RBKS: variants seen among roughly 807,000 people sequenced by gnomAD.
RBKS encodes ribokinase.
In RBKS, 33 loss-of-function variants were observed where a neutral mutation model predicts 33.9. That is an observed-to-expected ratio of 0.97 (90% CI 0.74 to 1.30). The LOEUF is 1.30. Among genes scored for constraint, RBKS ranks in the 50% most tolerant of loss-of-function variants. The probability of loss-of-function intolerance (pLI) is 0.00; values close to 1 mark genes in which losing one functional copy is unlikely to be tolerated. For missense variants in RBKS, 361 were observed against 392.6 expected (o/e 0.92, Z 0.68); for synonymous variants, 125 against 143.0 (o/e 0.87, Z 0.90).
chr2:27,815,208 T>TGG (rs1678063990), intron 7 of RBKS, among the ~76,000 whole-genome samples: 1 of 152,018 alleles, frequency 6.6e-6, no homozygotes, highest in Non-Finnish European at 1.5e-5. Flanking sequence ...TAGGTGGTTT[T>TGG]TTTTCCCCCC....
intron 7 of RBKS, among the ~76,000 whole-genome samples, chr2:27,806,068 G>C (rs1677890992): frequency 6.6e-6 from 1 of 151,806 alleles, no homozygotes; most frequent in African/African-American, 2.4e-5. Context: ...TTTTTTTGTA[G>C]AGTCAGGGTT....
intron 1 of RBKS, among the ~76,000 whole-genome samples, chr2:27,871,262 A>AAAACAAAC (rs540716644): frequency 6.6e-6 from 1 of 152,168 alleles, no homozygotes; most frequent in African/African-American, 2.4e-5. Flanking sequence ...CGTGTTCACT[A>AAAACAAAC]AAACAAACAA....
chr2:27,845,003 C>T (rs1488059343), intron 4 of RBKS, among the ~76,000 whole-genome samples: 1 of 152,160 alleles, frequency 6.6e-6, no homozygotes, highest in African/African-American at 2.4e-5. Context: ...TGTTTGTTGG[C>T]CACGAGGAAG....
chr2:27,794,676 T>G (rs1295540822), intron 7 of RBKS, among the ~76,000 whole-genome samples: 6 of 149,174 alleles, frequency 4.0e-5, no homozygotes, highest in African/African-American at 1.5e-4. Context: ...CAGGCTGGAG[T>G]GCAATAGCAC....
At chr2:27,789,921 GTGTGTA>G (rs1558532954) in intron 7 of RBKS, among the ~76,000 whole-genome samples, 31 of 127,290 alleles carry the variant, frequency 2.4e-4, no homozygotes, top group Middle Eastern at 4.4e-3. Context: ...GTGTGTTTGT[GTGTGTA>G]TATATATATA....
At chr2:27,797,659 G>T (rs376013518) in intron 7 of RBKS, among the ~76,000 whole-genome samples, 1 of 152,156 alleles carries the variant, frequency 6.6e-6, no homozygotes, top group African/African-American at 2.4e-5. Context: ...CACTGCATGG[G>T]GGGTCCATTT....
At chr2:27,865,180 C>G (rs957659699) in intron 1 of RBKS, among the ~76,000 whole-genome samples, 1 of 152,116 alleles carries the variant, frequency 6.6e-6, no homozygotes, top group South Asian at 2.1e-4. Flanking sequence ...ATTAGCCAGG[C>G]GTGGTGGCAG....
chr2:27,794,769 G>A lies in RBKS; in HGVS notation c.796-12981C>T, dbSNP rs571420429. Reference sequence around the variant, plus strand: ...CTCCCAAGTAGCTGGGATTACAAGCGTGTGTCACCACGCCCGGCTAATTTT... The same window carrying A: ...CTCCCAAGTAGCTGGGATTACAAGCATGTGTCACCACGCCCGGCTAATTTT... On this transcript the variant is annotated intron_variant, in intron 7 of 7. Transcript: ENST00000302188. Among the ~76,000 whole-genome samples, 6 of 152,032 alleles carry A rather than the reference G, an allele frequency of 3.9e-5. No homozygotes were observed. The East Asian group carries it at 1.2e-3, about 29-fold the overall frequency.
At chr2:27,843,431 T>C (rs182778500) in intron 4 of RBKS, among the ~76,000 whole-genome samples, 200 bp from the exon 5 acceptor site, 80 of 152,344 alleles carry the variant, frequency 5.3e-4, no homozygotes, top group African/African-American at 1.8e-3. Context: ...AAGATGCACA[T>C]TATTCTGATC....
intron 1 of RBKS, among the ~76,000 whole-genome samples, chr2:27,879,187 G>C (rs1218306403): frequency 1.3e-5 from 2 of 152,106 alleles, no homozygotes; most frequent in Non-Finnish European, 2.9e-5. Flanking sequence ...ATCTCTTCTA[G>C]GAAGTTTTCC....
intron 7 of RBKS, among the ~76,000 whole-genome samples, chr2:27,790,113 A>T (rs958235705): frequency 8.6e-5 from 13 of 151,550 alleles, no homozygotes; most frequent in Non-Finnish European, 1.6e-4. Flanking sequence ...TACAAGTGTG[A>T]TTACAGGGAT....
At chr2:27,877,484 C>T (rs548766707) in intron 1 of RBKS, among the ~76,000 whole-genome samples, 1 of 152,060 alleles carries the variant, frequency 6.6e-6, no homozygotes, top group Non-Finnish European at 1.5e-5. Flanking sequence ...AATCTCAAAA[C>T]AAAATTAGGA....
At chr2:27,850,629 T>C (rs1202625336) in intron 2 of RBKS, among the ~76,000 whole-genome samples, 3 of 152,212 alleles carry the variant, frequency 2.0e-5, no homozygotes, top group Non-Finnish European at 2.9e-5. Context: ...CTAAAGTTCC[T>C]CTGTGTCTTT....
chr2:27,888,966 T>A (rs1424816768), intron 1 of RBKS, among the ~76,000 whole-genome samples: 1 of 152,250 alleles, frequency 6.6e-6, no homozygotes, highest in Non-Finnish European at 1.5e-5. Context: ...AGTATTTTTA[T>A]CTTGGCACAG....
chr2:27,835,137 A>G (rs953237984), intron 5 of RBKS, among the ~76,000 whole-genome samples: 6 of 151,854 alleles, frequency 4.0e-5, no homozygotes, highest in Admixed American at 1.3e-4. Flanking sequence ...TTAGCCAGGC[A>G]TGGTGGTGCG....
rs199661604 is a variant in RBKS at position 27,838,450 on chromosome 2, T to TC, written c.514+4616dup. Reference sequence around the variant, plus strand: ...GGTACCAATTGCTAGAATAAGGAATTCCATAATTTTACTGTAAATACTGTA... The same window carrying TC: ...GGTACCAATTGCTAGAATAAGGAATTCCCATAATTTTACTGTAAATACTGTA... On this transcript the variant is annotated intron_variant, in intron 5 of 7. Transcript: ENST00000302188. 6.3e-3 allele frequency among the ~76,000 whole-genome samples: 964 copies of TC among 152,266 alleles called. 8 individuals are homozygous for TC. The highest frequency in any genetic ancestry group is 7.9e-3 in the Non-Finnish European group (535 of 68,008).
chr2:27,890,262 C>G lies in RBKS; in HGVS notation c.84G>C (p.Leu28=), dbSNP rs764299524. The part of the protein sequence containing the change: ...VVVVGSCMTD[L]VSLTSRLPKT... ...GTAACTGGCCCCGGACTAACCTGAC[C>G]AGGTCGGTCATGCAGGAGCCCACCA... is the stretch of plus-strand genomic sequence containing the variant. Residue 28 remains leucine (L), a synonymous_variant, in exon 1 of 8, where the codon CTG becomes CTC. Transcript: ENST00000302188. This position sits in a 1 kb window ranked among gnomAD's most constrained non-coding sequence, Gnocchi z 4.8. 8 of 1,613,720 alleles carry G rather than the reference C, an allele frequency of 5.0e-6. No individual in the cohort carries two copies. The East Asian group carries it at 1.1e-4, about 22-fold the overall frequency.
intron 1 of RBKS, among the ~76,000 whole-genome samples, chr2:27,864,784 T>C (rs1664055841): frequency 6.6e-6 from 1 of 152,168 alleles, no homozygotes; most frequent in South Asian, 2.1e-4. Flanking sequence ...ATAGTAAATT[T>C]TGGAGCCTAT....
Position 27,802,471 on chromosome 2 carries a change from A to G in RBKS, c.796-20683T>C, listed in dbSNP as rs192776416. ...GTGTGTGTGTATGTGTGTACGTGGT[A>G]TAAAAATTTCACGGGGGAAGAGGGA... On this transcript the variant is annotated intron_variant, in intron 7 of 7. Transcript: ENST00000302188. Among the ~76,000 whole-genome samples, 486 of 152,044 alleles carry G rather than the reference A, an allele frequency of 3.2e-3. 2 individuals carry two copies. Among genetic ancestry groups the G allele is most frequent in the African/African-American group, 0.011 (468 of 41,472 alleles).
Sources: gnomAD v4.1 joint callset for allele counts (sites outside exome capture counted in the v4.1 genomes callset) on GRCh38, gnomAD v4.1.1 for gene constraint, Gnocchi (gnomAD v3.1) non-coding constraint, MANE v1.5 for transcripts, NCBI Gene and HGNC (gene_info 2026-07-23, HGNC 2026-07-21) for gene names.